HABP4: variants seen among roughly 807,000 people sequenced by gnomAD.
HABP4 encodes the protein intracellular hyaluronan-binding protein 4.
A neutral mutation model predicts 44.1 loss-of-function variants in HABP4; 32 were observed. That is an observed-to-expected ratio of 0.73 (90% CI 0.55 to 0.97). The LOEUF is 0.97. Among genes scored for constraint, HABP4 ranks in the 50% least tolerant of loss-of-function variants. HABP4 has a pLI of 0.00. For missense variants in HABP4, 503 were observed against 561.9 expected, an observed-to-expected ratio of 0.90 and a Z score of 1.06; for synonymous variants, 216 against 218.0, an observed-to-expected ratio of 0.99 and a Z score of 0.08.
In HABP4 at chr9:96,453,595, C is replaced by A. The variant is rs73538764; in HGVS notation, c.349+2967C>A. Among the ~76,000 whole-genome samples the A allele has an allele frequency of 2.5e-3, 387 of 152,338 alleles. 2 individuals are homozygous for A. The highest frequency in any genetic ancestry group is 8.9e-3 in the African/African-American group (369 of 41,584). On this transcript the variant is annotated intron_variant, in intron 1 of 7. Transcript: ENST00000375249. The stretch of plus-strand genomic sequence containing the variant: ...GTGAGCCTTGCTCAATAAGTTCATT[C>A]TTAAAGTCATGAGAGGCCGTTTCAG...
rs776331449 is a variant in HABP4 at position 96,465,373 on chromosome 9, A to C, written c.549A>C (p.Arg183Ser). ...GGTTTGATCGAGACAGACCGTTGAG[A>C]GGACGTGGAGGCCCGAGAGGGGGTA... ...GDRFDRDRPLRGRGGPRGGMR... is the reference protein window; with the variant it reads ...GDRFDRDRPLSGRGGPRGGMR... The change falls in exon 3 of 8, where the codon AGA (arginine) becomes AGC (serine). Residue 183 changes from arginine (R) to serine (S), a missense_variant. Arg to Ser is a moderately radical substitution (Grantham distance 110). This residue lies in a region of HABP4 where 290 missense variants were observed against 300.5 expected (regional missense o/e 0.97). Transcript: ENST00000375249. The C allele has an allele frequency of 6.2e-7, 1 of 1,610,598 alleles. No individual in the cohort carries two copies. The highest frequency in any genetic ancestry group is 8.5e-7 in the Non-Finnish European group (1 of 1,176,794).
Position 96,450,338 on chromosome 9 carries a change from T to C in HABP4, c.59T>C (p.Phe20Ser). ...GCTGGCGCCGCGATGCAGGAGAGTT[T>C]CGGCTGCGTGGTGGCCAACCGCTTC... ...AAAGAAMQES[F>S]GCVVANRFHQ... Residue 20 changes from phenylalanine (F) to serine (S), a missense_variant, in exon 1 of 8, where the codon TTC becomes TCC. Transcript: ENST00000375249. The surrounding 1 kb of genome is among the most constrained non-coding windows in gnomAD (Gnocchi z 4.8). The C allele has an allele frequency of 7.7e-7, 1 of 1,303,098 alleles. No homozygotes were observed. Among genetic ancestry groups the C allele is most frequent in the Admixed American group, 2.4e-5 (1 of 41,132 alleles). 80.7% of individuals were successfully genotyped at this position (1,303,098 alleles called of 1,614,324 possible).
At chr9:96,481,605 C>A (rs1832881427) in intron 5 of HABP4, among the ~76,000 whole-genome samples, 1 of 151,966 alleles carries the variant, frequency 6.6e-6, no homozygotes, top group East Asian at 2.0e-4. Context: ...ATTAGCTGGG[C>A]CTGATGGCTC....
rs1170677496 is a variant in HABP4 at position 96,469,226 on chromosome 9, T to TTCATG, written c.744-1785_744-1784insTCATG. Among the ~76,000 whole-genome samples the TTCATG allele has an allele frequency of 2.0e-5, 3 of 152,250 alleles. No homozygotes were observed. In the East Asian group the frequency reaches 5.8e-4, roughly 29 times the overall value. On this transcript the variant is annotated intron_variant, in intron 4 of 7. Coordinates refer to ENST00000375249, the MANE Select transcript of HABP4 (RefSeq NM_014282.4). ...TCAGATATTATTTTCTTGTTAAAAT[T>TTCATG]GGAGTAGACACCCATGAACGCAGTT...
At chr9:96,471,138 C>A in intron 5 of HABP4, 44 bp downstream of exon 5, 3 of 989,278 alleles carry the variant, frequency 3.0e-6, no homozygotes, top group Non-Finnish European at 4.8e-6. Context: ...TGGTTCTCTT[C>A]TTAATGATTT....
chr9:96,482,008 T>A (rs1226917587), intron 5 of HABP4, among the ~76,000 whole-genome samples: 3 of 151,826 alleles, frequency 2.0e-5, no homozygotes, highest in Non-Finnish European at 4.4e-5. Context: ...CGATCTCGGC[T>A]CACTGCAACC....
rs182097649 is a variant in HABP4 at position 96,470,770 on chromosome 9, G to A, written c.744-241G>A. 7.6e-3 allele frequency among the ~76,000 whole-genome samples: 1,146 copies of A among 151,490 alleles called. 8 individuals carry two copies. Among genetic ancestry groups the A allele is most frequent in the Non-Finnish European group, 0.012 (797 of 67,908 alleles). On this transcript the variant is annotated intron_variant, in intron 4 of 7. Transcript: ENST00000375249. ...AAATTAGCTGGGCGTGGTGGTGGACGCCTGTAATCCCAGTTACTCAGGAGG... is the reference window on the plus strand; with the variant it reads ...AAATTAGCTGGGCGTGGTGGTGGACACCTGTAATCCCAGTTACTCAGGAGG...
chr9:96,474,602 A>G (rs369104071), intron 5 of HABP4, among the ~76,000 whole-genome samples: 114 of 152,316 alleles, frequency 7.5e-4, no homozygotes, highest in Non-Finnish European at 1.5e-3. Context: ...TGCAAGTGCA[A>G]TGCAGGTATT....
At chr9:96,475,110 C>G (rs1038873444) in intron 5 of HABP4, among the ~76,000 whole-genome samples, 25 of 152,220 alleles carry the variant, frequency 1.6e-4, no homozygotes, top group Admixed American at 6.5e-5. Flanking sequence ...GGCGCGGTGG[C>G]TCACACCTGT....
At chr9:96,461,870 G>A (rs545219012) in intron 2 of HABP4, among the ~76,000 whole-genome samples, 55 of 152,216 alleles carry the variant, frequency 3.6e-4, no homozygotes, top group Non-Finnish European at 5.7e-4. Flanking sequence ...TATAAGAAAT[G>A]CTCTTGGCGG....
At chr9:96,473,085 GTAGAGTTT>G (rs1832723412) in intron 5 of HABP4, among the ~76,000 whole-genome samples, 1 of 152,114 alleles carries the variant, frequency 6.6e-6, no homozygotes, top group African/African-American at 2.4e-5. Context: ...TTCTCTTTCT[GTAGAGTTT>G]CTTTATAGGA....
At chr9:96,479,602 C>T (rs1039478713) in intron 5 of HABP4, among the ~76,000 whole-genome samples, 23 of 151,916 alleles carry the variant, frequency 1.5e-4, no homozygotes, top group African/African-American at 2.4e-4. Flanking sequence ...CTCCGCCTCC[C>T]GGGTTCAAAG....
intron 5 of HABP4, among the ~76,000 whole-genome samples, chr9:96,471,887 T>C (rs541554184): frequency 6.6e-6 from 1 of 152,214 alleles, no homozygotes; most frequent in South Asian, 2.1e-4. Flanking sequence ...ACCTCCCAGA[T>C]TCAAGCAATT....
intron 5 of HABP4, among the ~76,000 whole-genome samples, chr9:96,475,405 A>AAAAAAAAAAAAG (rs1554725958): frequency 6.7e-6 from 1 of 149,888 alleles, no homozygotes; most frequent in African/African-American, 2.5e-5. Context: ...AAAAAAAAAA[A>AAAAAAAAAAAAG]AAGAAGAAAA....
In HABP4 at chr9:96,450,691, G is replaced by A. The variant is rs2131104681; in HGVS notation, c.349+63G>A. 1.7e-6 allele frequency: 2 copies of A among 1,204,908 alleles called. No individual in the cohort carries two copies. Among genetic ancestry groups the A allele is most frequent in the East Asian group, 3.2e-5 (1 of 30,818 alleles). 74.6% of individuals were successfully genotyped at this position (1,204,908 alleles called of 1,614,324 possible). A position where few individuals can be genotyped will look rare whatever the true frequency, so the allele number is the denominator to read the frequency against. ...GCCCGCTGTGAGACTGGGGTCCCGG[G>A]GGCCGGTTTCAGGAGGAGGGGCCCG... On this transcript the variant is annotated intron_variant, in intron 1 of 7. Transcript: ENST00000375249. The surrounding 1 kb of genome is among the most constrained non-coding windows in gnomAD (Gnocchi z 4.8).
intron 5 of HABP4, among the ~76,000 whole-genome samples, chr9:96,473,739 C>T (rs146889310): frequency 6.6e-6 from 1 of 152,330 alleles, no homozygotes; most frequent in African/African-American, 2.4e-5. Flanking sequence ...TATCCCACCC[C>T]TGCCCTCACA....
intron 5 of HABP4, chr9:96,483,074 TTCCAAAGAGGC>T (rs1832905772): frequency 6.6e-6 from 1 of 152,196 alleles, no homozygotes; most frequent in Non-Finnish European, 1.5e-5. Flanking sequence ...CCAGACTGCT[TTCCAAAGAGGC>T]TACACCATTT....
intron 5 of HABP4, among the ~76,000 whole-genome samples, chr9:96,475,897 A>T (rs1832778715): frequency 6.6e-6 from 1 of 152,194 alleles, no homozygotes; most frequent in Non-Finnish European, 1.5e-5. Flanking sequence ...AGATTTTCTT[A>T]TGTTTTAGGT....
chr9:96,471,221 C>G, intron 5 of HABP4, 127 bp downstream of exon 5: 1 of 626,590 alleles, frequency 1.6e-6, no homozygotes, highest in South Asian at 1.8e-5. Context: ...TGGCTCACTG[C>G]AACCTCCACT....
Sources: gnomAD v4.1 joint callset for allele counts (sites outside exome capture counted in the v4.1 genomes callset) on GRCh38, gnomAD v4.1.1 for gene constraint, gnomAD v4.1.1 regional missense constraint, Gnocchi (gnomAD v3.1) non-coding constraint, MANE v1.5 for transcripts, NCBI Gene and HGNC (gene_info 2026-07-23, HGNC 2026-07-21) for gene names.